ASAP2: variants seen among roughly 807,000 people sequenced by gnomAD.
The protein encoded by ASAP2 is arf-GAP with SH3 domain, ANK repeat and PH domain-containing protein 2.
In ASAP2, 45 loss-of-function variants were observed where a neutral mutation model predicts 131.4. That is an observed-to-expected ratio of 0.34 (90% CI 0.27 to 0.44). The LOEUF (loss-of-function observed/expected upper bound fraction) is 0.44. Among genes scored for constraint, ASAP2 ranks in the 20% least tolerant of loss-of-function variants. ASAP2 has a pLI of 1.00. For synonymous variants in ASAP2, 510 were observed against 503.0 expected (o/e 1.01, Z -0.19); for missense variants, 1,011 against 1,297.0 (o/e 0.78, Z 3.39).
chr2:9,274,704 T>G (rs1029991784), intron 1 of ASAP2, among the ~76,000 whole-genome samples: 7 of 152,162 alleles, frequency 4.6e-5, no homozygotes, highest in African/African-American at 1.7e-4. Context: ...TGCACCATAA[T>G]GAAGGGTGTG....
chr2:9,262,816 C>T (rs1315104898), intron 1 of ASAP2, among the ~76,000 whole-genome samples: 4 of 152,306 alleles, frequency 2.6e-5, no homozygotes, highest in South Asian at 4.1e-4. Context: ...GTGATGATGG[C>T]GTCTCCAGGC....
At chr2:9,329,569 T>C (rs992578163) in intron 7 of ASAP2, among the ~76,000 whole-genome samples, 1 of 152,204 alleles carries the variant, frequency 6.6e-6, no homozygotes, top group African/African-American at 2.4e-5. Flanking sequence ...AAGATTACTC[T>C]GTGTGTTGTG....
At chr2:9,355,225 A>G (rs914367238) in intron 12 of ASAP2, among the ~76,000 whole-genome samples, 6 of 152,154 alleles carry the variant, frequency 3.9e-5, no homozygotes, top group Non-Finnish European at 7.3e-5. Flanking sequence ...CCAGAATTCT[A>G]TCCAGAACCC....
intron 1 of ASAP2, among the ~76,000 whole-genome samples, chr2:9,254,512 C>G (rs1665002456): frequency 7.2e-6 from 1 of 138,496 alleles, no homozygotes; most frequent in Admixed American, 7.4e-5. Context: ...ACCACTACCC[C>G]CAGCTAATTT....
At chr2:9,391,329 C>A in intron 23 of ASAP2, 133 bp downstream of exon 23, 1 of 1,308,164 alleles carries the variant, frequency 7.6e-7, no homozygotes, top group Non-Finnish European at 1.0e-6. Context: ...CTCCCTGTGG[C>A]TCTTGTGCAG....
At chr2:9,400,370 CCCGCCACCTGCCTTCCTCCA>C (rs1676557038) in intron 25 of ASAP2, among the ~76,000 whole-genome samples, 1 of 78,558 alleles carries the variant, frequency 1.3e-5, no homozygotes, top group Admixed American at 1.1e-4. Flanking sequence ...GCCTTCCTCC[CCCGCCACCTGCCTTCCTCCA>C]CCCCTCCCTT....
Position 9,356,097 on chromosome 2 carries a change from TA to T in ASAP2, c.1160+4del. 6.2e-7 allele frequency: 1 copy of T among 1,614,232 alleles called. No individual in the cohort carries two copies. The highest frequency in any genetic ancestry group is 8.5e-7 in the Non-Finnish European group (1 of 1,180,042). On this transcript the variant is annotated splice_donor_region_variant and intron_variant, in intron 13 of 27. Coordinates refer to ENST00000281419, the MANE Select transcript of ASAP2 (RefSeq NM_003887.3). ...TGAAGATGAACAGGAATGTCAAATG[TA>T]AGTTACATGGTGGTGGGACTTTGGG...
chr2:9,279,757 GC>G (rs1667005740), intron 2 of ASAP2, among the ~76,000 whole-genome samples: 3 of 151,020 alleles, frequency 2.0e-5, no homozygotes, highest in Admixed American at 1.3e-4. Context: ...GTGTCACAGT[GC>G]CCTTTCCGTT....
intron 12 of ASAP2, among the ~76,000 whole-genome samples, chr2:9,352,231 AC>A (rs1672393363): frequency 6.6e-6 from 1 of 151,388 alleles, no homozygotes; most frequent in African/African-American, 2.4e-5. Context: ...ACACACACAC[AC>A]ACACACACAC....
chr2:9,303,508 T>G (rs2148422593), intron 3 of ASAP2, among the ~76,000 whole-genome samples: 1 of 152,184 alleles, frequency 6.6e-6, no homozygotes, highest in South Asian at 2.1e-4. Context: ...GGCTAGGGCT[T>G]TGAGTGAGGA....
In ASAP2 at chr2:9,404,114, CCTT is replaced by C. The variant is rs1222560245; in HGVS notation, c.*791_*793del. On this transcript the variant is annotated 3_prime_UTR_variant, in exon 28 of 28. Transcript: ENST00000281419. Reference sequence around the variant, plus strand: ...TATGCTTTAGGTGTTTTGGAATTTGCCTTCTTGAACTTCCTGAGTCACACAGAA... The same window carrying C: ...TATGCTTTAGGTGTTTTGGAATTTGCCTTGAACTTCCTGAGTCACACAGAA... 1 of 152,156 alleles carries C rather than the reference CCTT, an allele frequency of 6.6e-6. No individual in the cohort carries two copies. The highest frequency in any genetic ancestry group is 1.9e-4 in the East Asian group (1 of 5,202). The allele number at this position is 152,156 out of a possible 1,614,324, so 9.4% of individuals were successfully genotyped here.
At chr2:9,307,760 A>C (rs1303952385) in intron 3 of ASAP2, among the ~76,000 whole-genome samples, 3 of 152,100 alleles carry the variant, frequency 2.0e-5, no homozygotes, top group Non-Finnish European at 4.4e-5. Context: ...AAAGTTGCCA[A>C]TGTGTTTTTG....
chr2:9,372,082 T>TA (rs1674018424), intron 16 of ASAP2, among the ~76,000 whole-genome samples: 2 of 151,988 alleles, frequency 1.3e-5, no homozygotes, highest in Admixed American at 1.3e-4. Flanking sequence ...GTAAATACAT[T>TA]AAAAAACAAG....
intron 9 of ASAP2, among the ~76,000 whole-genome samples, chr2:9,341,064 A>G (rs756878009): frequency 6.6e-6 from 1 of 152,178 alleles, no homozygotes; most frequent in East Asian, 1.9e-4. Flanking sequence ...TGGAGAGTAC[A>G]TTGGAGTCTC....
intron 21 of ASAP2, among the ~76,000 whole-genome samples, chr2:9,387,517 T>C (rs1675374123): frequency 6.6e-6 from 1 of 152,146 alleles, no homozygotes; most frequent in Admixed American, 6.5e-5. Flanking sequence ...AACATCGATC[T>C]CTGCTGAATG....
At chr2:9,394,284 C>T (rs1302674925) in intron 24 of ASAP2, among the ~76,000 whole-genome samples, 1 of 151,306 alleles carries the variant, frequency 6.6e-6, no homozygotes, top group African/African-American at 2.4e-5. Flanking sequence ...CCTGCCTGAG[C>T]CTCCCGAGTA....
At chr2:9,270,785 ATTTTTTTTT>A (rs35913703) in intron 1 of ASAP2, among the ~76,000 whole-genome samples, 10 of 52,932 alleles carry the variant, frequency 1.9e-4, no homozygotes, top group African/African-American at 5.0e-4. Context: ...AATTGTTTTC[ATTTTTTTTT>A]TTTTTTTTTT....
Position 9,344,569 on chromosome 2 carries a change from A to G in ASAP2, c.887A>G (p.His296Arg), listed in dbSNP as rs779611839. Residue 296 changes from histidine (H) to arginine (R), a missense_variant, in exon 10 of 28, where the codon CAT (histidine) becomes CGT (arginine). His to Arg is a conservative substitution (Grantham distance 29). This residue lies in a region of ASAP2 where 359 missense variants were observed against 598.1 expected (regional missense o/e 0.60). Transcript: ENST00000281419. ...QIRQSTAYSLHQPQGNKEHGT... is the reference protein window; with the variant it reads ...QIRQSTAYSLRQPQGNKEHGT... ...CGTCAGAGCACAGCTTATAGCTTAC[A>G]TCAGCCTCAGGGAAACAAGGAACAT... The G allele has an allele frequency of 6.2e-7, 1 of 1,614,054 alleles. No homozygotes were observed. The highest frequency in any genetic ancestry group is 8.5e-7 in the Non-Finnish European group (1 of 1,180,018).
intron 21 of ASAP2, among the ~76,000 whole-genome samples, chr2:9,387,082 G>T (rs1233664411): frequency 6.0e-5 from 9 of 150,600 alleles, no homozygotes; most frequent in South Asian, 4.3e-4. Flanking sequence ...GGTGGGTGGG[G>T]GGGCGCCTGT....
Sources: allele counts gnomAD v4.1 joint callset (sites outside exome capture counted in the v4.1 genomes callset), GRCh38; gene constraint gnomAD v4.1.1; regional missense constraint gnomAD v4.1.1; transcripts MANE v1.5; gene names NCBI Gene and HGNC (gene_info 2026-07-23, HGNC 2026-07-21).